CILK1: variants seen among roughly 807,000 people sequenced by gnomAD.
CILK1 encodes ciliogenesis associated kinase 1, also known as serine/threonine-protein kinase ICK.
In CILK1, 47 loss-of-function variants were observed where a neutral mutation model predicts 79.2. The observed-to-expected ratio is 0.59, with a 90% CI of 0.47 to 0.76. The LOEUF (loss-of-function observed/expected upper bound fraction) is 0.76, where lower values mean the gene tolerates loss of function less well. Ranked by LOEUF, CILK1 falls within the 30% of genes least tolerant of loss-of-function variation. CILK1 has a pLI of 0.00. For synonymous variants in CILK1, 266 were observed against 275.9 expected, an observed-to-expected ratio of 0.96 and a Z score of 0.36; for missense variants, 660 against 769.5, an observed-to-expected ratio of 0.86 and a Z score of 1.68.
chr6:53,014,475 C>A (rs1212505129), intron 8 of CILK1, among the ~76,000 whole-genome samples: 1 of 152,186 alleles, frequency 6.6e-6, no homozygotes, highest in South Asian at 2.1e-4. Context: ...ATATAGTTAA[C>A]CCTTCCCTAT....
At chr6:53,007,234 T>C (rs1764282218) in intron 12 of CILK1, among the ~76,000 whole-genome samples, 1 of 152,224 alleles carries the variant, frequency 6.6e-6, no homozygotes. Flanking sequence ...TGCTCTGTTT[T>C]CACAACACAG....
In CILK1 at chr6:53,011,858, G is replaced by A. The variant is rs756601634; in HGVS notation, c.1403C>T (p.Pro468Leu). 1.2e-6 allele frequency: 2 copies of A among 1,614,094 alleles called. No homozygotes were observed. The highest frequency in any genetic ancestry group is 4.5e-5 in the East Asian group (2 of 44,878). ...SEPVGTGNSA[P>L]TQTSYQRRDT... ...TCGCCGCTGATATGACGTCTGGGTG[G>A]GGGCACTGTTTCCTGTGCCCACAGG... The change falls in exon 11 of 14, where the codon CCC (proline) becomes CTC (leucine). Residue 468 changes from proline (P) to leucine (L), a missense_variant. Physicochemically the swap from Pro to Leu is moderately conservative, Grantham distance 98 (BLOSUM62 -3). Coordinates refer to ENST00000676107, the MANE Select transcript of CILK1 (RefSeq NM_014920.5).
chr6:53,053,263 C>G (rs1006877303), intron 1 of CILK1, among the ~76,000 whole-genome samples: 24 of 152,130 alleles, frequency 1.6e-4, no homozygotes, highest in African/African-American at 4.8e-4. Flanking sequence ...ATGTAGCAGC[C>G]TGTCCATTAC....
intron 1 of CILK1, among the ~76,000 whole-genome samples, chr6:53,048,100 C>G (rs1767226254): frequency 6.6e-6 from 1 of 152,108 alleles, no homozygotes; most frequent in Non-Finnish European, 1.5e-5. Context: ...AAGGTGCCCA[C>G]TGGAGTTGTT....
intron 3 of CILK1, among the ~76,000 whole-genome samples, chr6:53,034,960 G>A (rs1381466449): frequency 2.6e-5 from 4 of 152,134 alleles, no homozygotes; most frequent in African/African-American, 9.7e-5. Flanking sequence ...CTGAGTGGAG[G>A]ACTCTGTGTC....
At chr6:53,047,314 A>G (rs565086010) in intron 1 of CILK1, among the ~76,000 whole-genome samples, 1 of 151,650 alleles carries the variant, frequency 6.6e-6, no homozygotes, top group African/African-American at 2.4e-5. Context: ...TGCTTTTGTT[A>G]TTTTTTTGAG....
chr6:53,057,739 T>A (rs572973999), intron 1 of CILK1: 14 of 152,256 alleles, frequency 9.2e-5, no homozygotes, highest in African/African-American at 3.4e-4. Context: ...ACCTTAATGA[T>A]CACTTGACAT....
intron 4 of CILK1, 55 bp downstream of exon 4, chr6:53,032,478 C>T (rs1011318976): frequency 2.4e-6 from 3 of 1,227,778 alleles, no homozygotes; most frequent in African/African-American, 3.1e-5. Context: ...AGAAAGAAAA[C>T]ACATCTGCTT....
At chr6:53,042,671 G>A (rs1165563140) in intron 1 of CILK1, among the ~76,000 whole-genome samples, 1 of 152,200 alleles carries the variant, frequency 6.6e-6, no homozygotes, top group Non-Finnish European at 1.5e-5. Flanking sequence ...AGAAACTGTA[G>A]TAATAATGTA....
rs952821854 is a variant in CILK1, at chr6:53,001,640, A to C, written c.*3509T>G. ...ACAGATTAATGTGATATTTACCTCT[A>C]GTTTGTTTTCCTAATGGCTTCCATG... On this transcript the variant is annotated 3_prime_UTR_variant, in exon 14 of 14. Transcript: ENST00000676107. The C allele has an allele frequency of 1.3e-5, 2 of 149,810 alleles. No homozygotes were observed. The highest frequency in any genetic ancestry group is 5.2e-5 in the African/African-American group (2 of 38,830). 9.3% of individuals were successfully genotyped at this position (149,810 alleles called of 1,614,324 possible). A position where few individuals can be genotyped will look rare whatever the true frequency, so the allele number is the denominator to read the frequency against.
chr6:53,052,348 T>A (rs1767539999), intron 1 of CILK1, among the ~76,000 whole-genome samples: 1 of 152,226 alleles, frequency 6.6e-6, no homozygotes. Flanking sequence ...CTGAAATCTC[T>A]GAGTATATGA....
At chr6:53,024,662 A>G (rs1485474816) in intron 5 of CILK1, among the ~76,000 whole-genome samples, 1 of 152,162 alleles carries the variant, frequency 6.6e-6, no homozygotes, top group Non-Finnish European at 1.5e-5. Context: ...TGTTCAAAAC[A>G]TTCCAGTGAA....
intron 1 of CILK1, among the ~76,000 whole-genome samples, chr6:53,050,092 C>T (rs371798762): frequency 1.6e-4 from 25 of 152,126 alleles, no homozygotes; most frequent in African/African-American, 6.0e-4. Context: ...AATGTTAATA[C>T]ATCCTTCTTT....
Position 53,004,917 on chromosome 6 carries a change from G to T in CILK1, c.*232C>A. The T allele has an allele frequency of 2.3e-6, 1 of 442,442 alleles. No individual in the cohort carries two copies. The highest frequency in any genetic ancestry group is 3.8e-5 in the East Asian group (1 of 26,230). 27.4% of individuals were successfully genotyped at this position (442,442 alleles called of 1,614,324 possible). A position where few individuals can be genotyped will look rare whatever the true frequency, so the allele number is the denominator to read the frequency against. The stretch of plus-strand genomic sequence containing the variant: ...AATGCTGTTGTTTAAGAAAATAATG[G>T]GACCCAGTTTTAGAATAAAATAATT... On this transcript the variant is annotated 3_prime_UTR_variant, in exon 14 of 14. Coordinates refer to ENST00000676107, the MANE Select transcript of CILK1 (RefSeq NM_014920.5).
chr6:53,046,406 T>C (rs1212696098), intron 1 of CILK1, among the ~76,000 whole-genome samples: 1 of 152,228 alleles, frequency 6.6e-6, no homozygotes, highest in Non-Finnish European at 1.5e-5. Context: ...ATTGGAACAA[T>C]GGTTCCTAGA....
At chr6:53,060,868 G>GT (rs1207780319) in intron 1 of CILK1, 1 of 152,118 alleles carries the variant, frequency 6.6e-6, no homozygotes, top group Admixed American at 6.5e-5. Context: ...TCAAACTTCT[G>GT]TTACTACAAA....
intron 1 of CILK1, among the ~76,000 whole-genome samples, chr6:53,043,690 T>C (rs1766864996): frequency 2.6e-5 from 4 of 152,094 alleles, no homozygotes; most frequent in Admixed American, 2.6e-4. Context: ...GCTCTGAGGA[T>C]ATAGAGACCA....
Position 53,031,092 on chromosome 6 carries a change from G to A in CILK1, c.331C>T (p.Gln111Ter). The change falls in exon 5 of 14, where the codon CAA becomes TAA. Residue 111 changes from glutamine to a stop codon, truncating the protein, a stop_gained. Transcript: ENST00000676107. LOFTEE classifies it high-confidence loss of function. ...AIRNIMYQIL[Q>*]GLAFIHKHGF... is the part of the protein sequence containing the mutation. Reference sequence around the variant, plus strand: ...TGTTTGTGAATAAATGCGAGTCCTTGTAATATCTGATACATGATATTCCTT... The same window carrying A: ...TGTTTGTGAATAAATGCGAGTCCTTATAATATCTGATACATGATATTCCTT... 1 of 1,609,846 alleles carries A rather than the reference G, an allele frequency of 6.2e-7. No homozygotes were observed. Among genetic ancestry groups the A allele is most frequent in the Non-Finnish European group, 8.5e-7 (1 of 1,176,362 alleles).
At chr6:53,009,829 C>T (rs1764457603) in intron 11 of CILK1, among the ~76,000 whole-genome samples, 1 of 152,178 alleles carries the variant, frequency 6.6e-6, no homozygotes. Flanking sequence ...CCATCCTGGG[C>T]TTCACTGCTG....
Sources: allele counts gnomAD v4.1 joint callset (sites outside exome capture counted in the v4.1 genomes callset), GRCh38; gene constraint gnomAD v4.1.1; transcripts MANE v1.5; gene names NCBI Gene and HGNC (gene_info 2026-07-23, HGNC 2026-07-21).